EXO1: variants seen among roughly 807,000 people sequenced by gnomAD.
EXO1 encodes the protein exonuclease 1.
Under a neutral mutation model 84.5 loss-of-function variants are expected in EXO1, and 69 were observed. The observed-to-expected ratio is 0.82, with a 90% CI of 0.67 to 1.00. The LOEUF (loss-of-function observed/expected upper bound fraction) is 1.00. Among genes scored for constraint, EXO1 ranks in the 50% least tolerant of loss-of-function variants. EXO1 has a pLI of 0.00. For missense variants in EXO1, 1,045 were observed against 1,000.7 expected (o/e 1.04, Z -0.60); for synonymous variants, 373 against 366.1 (o/e 1.02, Z -0.21).
intron 15 of EXO1, chr1:241,885,715 A>C (rs1663026814): frequency 5.7e-6 from 3 of 521,924 alleles, no homozygotes; most frequent in Non-Finnish European, 6.9e-6. Flanking sequence ...CAAACTAAAA[A>C]CCAGTTTTCA....
At chr1:241,855,568 C>G (rs556380622) in intron 6 of EXO1, among the ~76,000 whole-genome samples, 11 of 152,242 alleles carry the variant, frequency 7.2e-5, no homozygotes, top group South Asian at 2.1e-4. Flanking sequence ...GTCAGTCCTG[C>G]GCCGTCTGCC....
At chr1:241,855,861 C>A (rs932203397) in intron 6 of EXO1, among the ~76,000 whole-genome samples, 2 of 152,242 alleles carry the variant, frequency 1.3e-5, no homozygotes, top group African/African-American at 4.8e-5. Flanking sequence ...CAGGGCCGGC[C>A]GGCTGCTCTG....
chr1:241,858,026 A>G (rs978419872), intron 7 of EXO1, among the ~76,000 whole-genome samples: 2 of 152,330 alleles, frequency 1.3e-5, no homozygotes, highest in South Asian at 2.1e-4. Flanking sequence ...AAGGGTCTCT[A>G]TCAAAAGGTT....
In EXO1 at chr1:241,848,747, C is replaced by G. The variant is rs1406578352; in HGVS notation, c.-403C>G. On this transcript the variant is annotated 5_prime_UTR_variant, in exon 2 of 16. Coordinates refer to ENST00000366548, the MANE Select transcript of EXO1 (RefSeq NM_130398.4). The surrounding 1 kb of genome is among the most constrained non-coding windows in gnomAD (Gnocchi z 4.2). ...ATTTTGCAGGCCTAAGGAAACGTGT[C>G]GTCTGGAATGGGCTTGGGGGCCACG... The G allele has an allele frequency of 6.6e-6, 1 of 152,078 alleles. No homozygotes were observed. Among genetic ancestry groups the G allele is most frequent in the Non-Finnish European group, 1.5e-5 (1 of 68,052 alleles). 9.4% of individuals were successfully genotyped at this position (152,078 alleles called of 1,614,324 possible). A position where few individuals can be genotyped will look rare whatever the true frequency, so the allele number is the denominator to read the frequency against.
intron 10 of EXO1, among the ~76,000 whole-genome samples, chr1:241,865,437 C>G (rs1392771417): frequency 6.6e-6 from 1 of 151,942 alleles, no homozygotes; most frequent in East Asian, 1.9e-4. Flanking sequence ...TCTCAAACTC[C>G]TGACCTCAGG....
Position 241,855,417 on chromosome 1 carries a change from C to CT in EXO1, c.406-1926dup, listed in dbSNP as rs1473721957. 3.3e-5 allele frequency among the ~76,000 whole-genome samples: 5 copies of CT among 152,178 alleles called. No homozygotes were observed. The East Asian group carries it at 9.6e-4, about 29-fold the overall frequency. The stretch of plus-strand genomic sequence containing the variant: ...GGTGCTGATTGGTGTGTTTACAAAC[C>CT]TTGAGCTAGATACAGAGTGCCGATT... On this transcript the variant is annotated intron_variant, in intron 6 of 15. Transcript: ENST00000366548.
At chr1:241,855,106 G>T (rs1039373263) in intron 6 of EXO1, among the ~76,000 whole-genome samples, 2 of 152,180 alleles carry the variant, frequency 1.3e-5, no homozygotes, top group Non-Finnish European at 2.9e-5. Flanking sequence ...AGCTTCCATG[G>T]TGTGGAAGGG....
intron 7 of EXO1, 66 bp downstream of exon 7, chr1:241,857,548 A>G (rs1661133734): frequency 3.8e-6 from 4 of 1,050,712 alleles, no homozygotes; most frequent in African/African-American, 1.6e-5. Flanking sequence ...AAGGAGCTGA[A>G]ATTTTTCCTG....
intron 15 of EXO1, among the ~76,000 whole-genome samples, chr1:241,885,881 T>G (rs1663044393): frequency 6.6e-6 from 1 of 151,122 alleles, no homozygotes. Flanking sequence ...TTGAGAGAGT[T>G]TTGCTCTTGT....
intron 4 of EXO1, 38 bp downstream of exon 4, chr1:241,850,624 G>C: frequency 2.6e-6 from 4 of 1,566,212 alleles, no homozygotes; most frequent in Non-Finnish European, 3.5e-6. Flanking sequence ...TGACAATTAA[G>C]AATGAGACCT....
At chr1:241,872,714 A>G (rs768945175) in intron 12 of EXO1, among the ~76,000 whole-genome samples, 5 of 152,212 alleles carry the variant, frequency 3.3e-5, no homozygotes, top group Non-Finnish European at 7.3e-5. Context: ...ATAGTATTAC[A>G]TGGTGTATAT....
chr1:241,881,602 C>T (rs146225891), intron 13 of EXO1, among the ~76,000 whole-genome samples: 108 of 152,280 alleles, frequency 7.1e-4, no homozygotes, highest in Middle Eastern at 3.4e-3. Flanking sequence ...ACCACACGTG[C>T]GTAACGCAGC....
chr1:241,879,063 G>A lies in EXO1; in HGVS notation c.1829G>A (p.Ser610Asn). Residue 610 changes from serine to asparagine, a missense_variant, in exon 13 of 16, where the codon AGT becomes AAT. Ser to Asn is a conservative substitution (Grantham distance 46). Coordinates refer to ENST00000366548, the MANE Select transcript of EXO1 (RefSeq NM_130398.4). The stretch of plus-strand genomic sequence containing the variant: ...TTGGGAACACTAAGAAGTTGTTTTA[G>A]TTGGTCTGGAGGTCTTGGAGATTTT... ...PTLGTLRSCF[S>N]WSGGLGDFSR... is the part of the protein sequence containing the mutation. 1.2e-6 allele frequency: 2 copies of A among 1,614,218 alleles called. No individual in the cohort carries two copies. Among genetic ancestry groups the A allele is most frequent in the South Asian group, 2.2e-5 (2 of 91,088 alleles).
rs560299246 is a variant in EXO1 at position 241,858,594 on chromosome 1, C to T, written c.632C>T (p.Thr211Met). The T allele has an allele frequency of 2.4e-5, 39 of 1,613,934 alleles. No individual in the cohort carries two copies. The Admixed American group carries it at 2.7e-4, about 11-fold the overall frequency. Residue 211 changes from threonine to methionine, a missense_variant, in exon 8 of 16, where the codon ACG (threonine) becomes ATG (methionine). Transcript: ENST00000366548. Reference sequence around the variant, plus strand: ...TGCAGACAGCTTGGGGATGTATTCACGGAAGAGAAGTTTCGTTACATGTGT... The same window carrying T: ...TGCAGACAGCTTGGGGATGTATTCATGGAAGAGAAGTTTCGTTACATGTGT... The part of the protein sequence containing the change: ...GMCRQLGDVF[T>M]EEKFRYMCIL...
chr1:241,874,823 G>A (rs1362768281), intron 12 of EXO1, among the ~76,000 whole-genome samples: 1 of 152,138 alleles, frequency 6.6e-6, no homozygotes, highest in African/African-American at 2.4e-5. Flanking sequence ...TAAACATACA[G>A]TAAGTAACTC....
chr1:241,867,484 C>T (rs1661816644), intron 11 of EXO1, among the ~76,000 whole-genome samples: 2 of 152,170 alleles, frequency 1.3e-5, no homozygotes, highest in South Asian at 2.1e-4. Context: ...ATGGGAGATA[C>T]AATTCAAGAT....
chr1:241,859,791 T>C (rs1038768010), intron 8 of EXO1, among the ~76,000 whole-genome samples: 3 of 152,230 alleles, frequency 2.0e-5, no homozygotes, highest in Admixed American at 2.0e-4. Context: ...TTGTAGTTTG[T>C]CTTAAAAAAT....
chr1:241,854,028 C>A (rs1660814079), intron 6 of EXO1, among the ~76,000 whole-genome samples: 1 of 152,208 alleles, frequency 6.6e-6, no homozygotes, highest in East Asian at 1.9e-4. Flanking sequence ...CTCCTCCTTG[C>A]AGCAGCTTCT....
intron 6 of EXO1, among the ~76,000 whole-genome samples, chr1:241,856,232 T>C (rs2148407576): frequency 1.3e-5 from 2 of 151,750 alleles, no homozygotes; most frequent in East Asian, 3.9e-4. Context: ...AGCAGGATCT[T>C]GATACCTCTT....
Sources: allele counts gnomAD v4.1 joint callset (sites outside exome capture counted in the v4.1 genomes callset), GRCh38; gene constraint gnomAD v4.1.1; non-coding constraint Gnocchi (gnomAD v3.1); transcripts MANE v1.5; gene names NCBI Gene and HGNC (gene_info 2026-07-23, HGNC 2026-07-21).